PTPRT: variants seen among roughly 807,000 people sequenced by gnomAD.
PTPRT encodes the protein receptor-type tyrosine-protein phosphatase T.
PTPRT carries 56 observed loss-of-function variants against 176.8 expected under a neutral mutation model. That is an observed-to-expected ratio of 0.32 (90% CI 0.26 to 0.40). The LOEUF (loss-of-function observed/expected upper bound fraction) is 0.40. Among genes scored for constraint, PTPRT ranks in the 10% least tolerant of loss-of-function variants. PTPRT has a pLI of 1.00. For synonymous variants in PTPRT, 783 were observed against 739.0 expected (o/e 1.06, Z -0.96); for missense variants, 1,540 against 1,908.2 (o/e 0.81, Z 3.60).
intron 16 of PTPRT, among the ~76,000 whole-genome samples, chr20:42,166,054 C>T (rs75209994): frequency 0.032 from 4,891 of 152,240 alleles, 262 homozygotes; most frequent in African/African-American, 0.11. Flanking sequence ...TGAAATCCAA[C>T]GTGTATTTTA....
the PTPRT span, among the ~76,000 whole-genome samples, chr20:42,064,822 T>C: frequency 1.3e-5 from 2 of 152,352 alleles, no homozygotes; most frequent in East Asian, 3.9e-4. Context: ...CTTGAATCAC[T>C]GCTGACCTCA....
Position 42,430,672 on chromosome 20 carries a change from G to A in PTPRT, c.1560+17548C>T, listed in dbSNP as rs1215661477. On this transcript the variant is annotated intron_variant, in intron 9 of 30. Coordinates refer to ENST00000373187, the MANE Select transcript of PTPRT (RefSeq NM_007050.6). ...CAGGACCCTCTGGGAGATGACTGGG[G>A]ACCAGGCAATCTACTTGCTATTGAA... Among the ~76,000 whole-genome samples, 5 of 152,322 alleles carry A rather than the reference G, an allele frequency of 3.3e-5. No homozygotes were observed. In the East Asian group the frequency reaches 7.7e-4, roughly 24 times the overall value.
chr20:42,230,504 T>A (rs115764460), intron 15 of PTPRT, among the ~76,000 whole-genome samples: 6,267 of 152,228 alleles, frequency 0.041, 407 homozygotes, highest in African/African-American at 0.14. Flanking sequence ...GTTGTTGGGG[T>A]CTGCTTTACT....
intron 1 of PTPRT, among the ~76,000 whole-genome samples, chr20:42,924,661 A>C (rs1979369458): frequency 6.6e-6 from 1 of 152,250 alleles, no homozygotes; most frequent in East Asian, 1.9e-4. Flanking sequence ...ACAGCTGGCA[A>C]ATATCCCGAT....
At chr20:42,761,855 G>A (rs183102330) in intron 5 of PTPRT, among the ~76,000 whole-genome samples, 2 of 152,320 alleles carry the variant, frequency 1.3e-5, no homozygotes, top group Admixed American at 1.3e-4. Flanking sequence ...TTGGACCCAG[G>A]TGATCTGATA....
intron 7 of PTPRT, among the ~76,000 whole-genome samples, chr20:42,583,761 TATATA>T (rs1463522801): frequency 6.6e-6 from 1 of 152,256 alleles, no homozygotes; most frequent in Non-Finnish European, 1.5e-5. Context: ...AATGTAAACC[TATATA>T]ATATATTTAG....
At chr20:42,846,139 C>A (rs1002216333) in intron 2 of PTPRT, among the ~76,000 whole-genome samples, 3 of 152,164 alleles carry the variant, frequency 2.0e-5, no homozygotes, top group Admixed American at 6.5e-5. Flanking sequence ...CTGCTCACTT[C>A]TCCTACTTTG....
intron 13 of PTPRT, among the ~76,000 whole-genome samples, chr20:42,260,277 G>A (rs6124435): frequency 6.6e-6 from 1 of 151,922 alleles, no homozygotes; most frequent in African/African-American, 2.4e-5. Context: ...CTCCCTGTGG[G>A]CCAGACTGTC....
intron 8 of PTPRT, among the ~76,000 whole-genome samples, chr20:42,460,780 T>C (rs1488469402): frequency 6.6e-6 from 1 of 152,224 alleles, no homozygotes; most frequent in Non-Finnish European, 1.5e-5. Flanking sequence ...TCTGCCACGA[T>C]TGTAAATTTT....
rs181460345 is a variant in PTPRT at position 42,426,124 on chromosome 20, A to G, written c.1560+22096T>C. ...GGGTAGAAGAGGGTTCCCTGGCAAA[A>G]CCCCCACCCTCAAGCCTGGAAACCC... On this transcript the variant is annotated intron_variant, in intron 9 of 30. Transcript: ENST00000373187. 3.3e-5 allele frequency among the ~76,000 whole-genome samples: 5 copies of G among 151,844 alleles called. 1 individual carries two copies. Among genetic ancestry groups the G allele is most frequent in the Admixed American group, 2.6e-4 (4 of 15,242 alleles).
the PTPRT span, among the ~76,000 whole-genome samples, chr20:42,061,942 A>T: frequency 4.8e-4 from 73 of 152,308 alleles, no homozygotes; most frequent in South Asian, 0.014. Context: ...ATGCATGTTA[A>T]TTTTACCTTT....
At chr20:42,875,007 C>G (rs1480824661) in intron 2 of PTPRT, among the ~76,000 whole-genome samples, 1 of 152,154 alleles carries the variant, frequency 6.6e-6, no homozygotes, top group Non-Finnish European at 1.5e-5. Flanking sequence ...TCTAACTCGT[C>G]AAATGCAGCA....
At chr20:42,284,961 GA>G (rs370285823) in intron 12 of PTPRT, among the ~76,000 whole-genome samples, 389 of 112,402 alleles carry the variant, frequency 3.5e-3, no homozygotes, top group East Asian at 0.013. Context: ...CCCAAAAGAT[GA>G]AAAAAAAAAA....
chr20:42,230,598 T>G (rs945941708), intron 15 of PTPRT, among the ~76,000 whole-genome samples: 1 of 152,186 alleles, frequency 6.6e-6, no homozygotes, highest in Non-Finnish European at 1.5e-5. Flanking sequence ...ATAAAATACC[T>G]ACTGTGTGCC....
chr20:42,293,051 A>C (rs1210904522), intron 12 of PTPRT, among the ~76,000 whole-genome samples: 1 of 152,218 alleles, frequency 6.6e-6, no homozygotes, highest in African/African-American at 2.4e-5. Context: ...ACAAATGTTC[A>C]CTATCAACTT....
rs144915372 is a variant in PTPRT, at chr20:42,080,734, C to T, written c.*145G>A. 310 of 729,526 alleles carry T rather than the reference C, an allele frequency of 4.2e-4. 1 individual carries two copies. The highest frequency in any genetic ancestry group is 3.3e-3 in the African/African-American group (187 of 57,146). 45.2% of individuals were successfully genotyped at this position (729,526 alleles called of 1,614,324 possible). A position where few individuals can be genotyped will look rare whatever the true frequency, so the allele number is the denominator to read the frequency against. ...ACCCCTCAGAAGGTGCAGAGCCCCC[C>T]GTGGAACACAGGGCCACCAGTCTTC... On this transcript the variant is annotated 3_prime_UTR_variant, in exon 31 of 31. Coordinates refer to ENST00000373187, the MANE Select transcript of PTPRT (RefSeq NM_007050.6).
At chr20:42,599,247 G>A (rs143632417) in intron 7 of PTPRT, among the ~76,000 whole-genome samples, 3 of 152,114 alleles carry the variant, frequency 2.0e-5, no homozygotes, top group Admixed American at 6.5e-5. Flanking sequence ...TGGAGCAAAA[G>A]CTTTTGAGAG....
At chr20:42,879,571 T>C (rs6030539) in intron 2 of PTPRT, among the ~76,000 whole-genome samples, 4,523 of 152,296 alleles carry the variant, frequency 0.03, 231 homozygotes, top group African/African-American at 0.1. Context: ...CTTATCTTTT[T>C]AGGAGACACC....
At chr20:42,791,534 G>T (rs1214603383) in intron 2 of PTPRT, 68 bp from the exon 3 acceptor site, 7 of 1,478,484 alleles carry the variant, frequency 4.7e-6, no homozygotes, top group Non-Finnish European at 6.4e-6. Flanking sequence ...CTGAAAATCA[G>T]TCACACCCAT....
Sources: allele counts gnomAD v4.1 joint callset (sites outside exome capture counted in the v4.1 genomes callset), GRCh38; gene constraint gnomAD v4.1.1; transcripts MANE v1.5; gene names NCBI Gene and HGNC (gene_info 2026-07-23, HGNC 2026-07-21).